DPH6: variants seen among roughly 807,000 people sequenced by gnomAD.
DPH6 encodes the protein diphthamine biosynthesis 6, also known as diphthine--ammonia ligase.
In DPH6, 33 loss-of-function variants were observed where a neutral mutation model predicts 38.2. The ratio of observed to expected loss-of-function variants is 0.86; its 90% CI spans 0.65 to 1.15. The LOEUF is 1.15. Among genes scored for constraint, DPH6 ranks in the 50% most tolerant of loss-of-function variants. DPH6 has a pLI of 0.00. For synonymous variants in DPH6, 108 were observed against 103.0 expected, an observed-to-expected ratio of 1.05 and a Z score of -0.30; for missense variants, 325 against 320.0, an observed-to-expected ratio of 1.02 and a Z score of -0.12.
At chr15:35,177,889 C>T in the DPH6 span, among the ~76,000 whole-genome samples, 1 of 151,938 alleles carries the variant, frequency 6.6e-6, no homozygotes, top group Non-Finnish European at 1.5e-5. Flanking sequence ...TTGTGGTGAG[C>T]TGAGATGATG....
At chr15:35,289,918 G>A (rs953010749) in intron 3 of DPH6, among the ~76,000 whole-genome samples, 1 of 152,106 alleles carries the variant, frequency 6.6e-6, no homozygotes, top group African/African-American at 2.4e-5. Flanking sequence ...TTTACTTTTG[G>A]GAGTTCTGGT....
chr15:35,147,343 T>C, the DPH6 span, among the ~76,000 whole-genome samples: 4 of 152,254 alleles, frequency 2.6e-5, no homozygotes, highest in South Asian at 2.1e-4. Flanking sequence ...TATCAGTATA[T>C]ATTTCATCAT....
chr15:35,190,505 G>A, the DPH6 span, among the ~76,000 whole-genome samples: 1 of 152,194 alleles, frequency 6.6e-6, no homozygotes, highest in African/African-American at 2.4e-5. Context: ...GCAGATTGCT[G>A]GTCCAGGTGG....
At position 35,275,729 on chromosome 15, in the gene DPH6, T is replaced by A. The variant is rs868808588; in HGVS notation, n.201-55147A>T. Among the ~76,000 whole-genome samples the A allele has an allele frequency of 3.3e-3, 464 of 142,138 alleles. 1 individual carries two copies. The highest frequency in any genetic ancestry group is 9.5e-3 in the South Asian group (41 of 4,334). 93.2% of individuals were successfully genotyped at this position (142,138 alleles called of 152,430 possible). A position where few individuals can be genotyped will look rare whatever the true frequency, so the allele number is the denominator to read the frequency against. The stretch of plus-strand genomic sequence containing the variant: ...ACCTTAAAGTAAAAAAAAAAAAAAA[T>A]AATAATATTAGTCTTCAATCTCATC... On this transcript the variant is annotated intron_variant and non_coding_transcript_variant, in intron 3 of 3. Transcript: ENST00000560386.
intron 3 of DPH6, among the ~76,000 whole-genome samples, chr15:35,276,593 ATT>A: frequency 6.6e-6 from 1 of 152,188 alleles, no homozygotes; most frequent in East Asian, 1.9e-4. Context: ...CTTGATCCAT[ATT>A]GTGTTGATTT....
intron 2 of DPH6, among the ~76,000 whole-genome samples, chr15:35,540,501 C>G (rs1298169468): frequency 2.6e-5 from 4 of 152,022 alleles, no homozygotes; most frequent in Non-Finnish European, 5.9e-5. Context: ...CAATAATTCC[C>G]AATGTCCTGC....
At chr15:35,542,747 TATGGTAACTTTTTGCTTTGTG>T (rs2055273590) in intron 1 of DPH6, among the ~76,000 whole-genome samples, 3 of 150,378 alleles carry the variant, frequency 2.0e-5, no homozygotes, top group Admixed American at 1.3e-4. Context: ...CTAAACAAAA[TATGGTAACTTTTTGCTTTGTG>T]ATAGCAAATA....
At chr15:35,497,577 A>G (rs976306644) in intron 3 of DPH6, among the ~76,000 whole-genome samples, 1 of 152,196 alleles carries the variant, frequency 6.6e-6, no homozygotes, top group African/African-American at 2.4e-5. Context: ...TTGATTCACG[A>G]CAAGTAAAAA....
chr15:35,297,938 A>G lies in DPH6; in HGVS notation n.200+75583T>C, dbSNP rs1187352849. Among the ~76,000 whole-genome samples the G allele has an allele frequency of 2.0e-5, 3 of 152,158 alleles. No homozygotes were observed. The East Asian group carries it at 5.8e-4, about 29-fold the overall frequency. ...CTTAATTTCTACCCTTCCATCACCAATCATCAGCAACCTCTGTTAATTCTA... is the reference window on the plus strand; with the variant it reads ...CTTAATTTCTACCCTTCCATCACCAGTCATCAGCAACCTCTGTTAATTCTA... On this transcript the variant is annotated intron_variant and non_coding_transcript_variant, in intron 3 of 3. Transcript: ENST00000560386.
At chr15:35,443,565 T>C (rs2053814779) in intron 5 of DPH6, among the ~76,000 whole-genome samples, 1 of 152,180 alleles carries the variant, frequency 6.6e-6, no homozygotes, top group African/African-American at 2.4e-5. Flanking sequence ...TTTCACACTT[T>C]GGAATGTAAA....
chr15:35,196,159 C>T, the DPH6 span, among the ~76,000 whole-genome samples: 6 of 152,012 alleles, frequency 3.9e-5, no homozygotes, highest in Non-Finnish European at 7.4e-5. Flanking sequence ...TGAAATTTAA[C>T]GTAAAATAGT....
chr15:35,441,048 T>G (rs2053780954), intron 5 of DPH6, among the ~76,000 whole-genome samples: 2 of 151,888 alleles, frequency 1.3e-5, no homozygotes, highest in Non-Finnish European at 2.9e-5. Flanking sequence ...AACAAACATA[T>G]ATATGAAAAA....
chr15:35,367,278 T>G (rs1054856709), downstream of DPH6, among the ~76,000 whole-genome samples: 1 of 151,882 alleles, frequency 6.6e-6, no homozygotes, highest in African/African-American at 2.4e-5. Context: ...TGAGGTTAAA[T>G]TCCTGTGAAC....
chr15:35,384,442 A>C (rs1006089622), intron 6 of DPH6, among the ~76,000 whole-genome samples: 3 of 152,176 alleles, frequency 2.0e-5, no homozygotes, highest in African/African-American at 7.2e-5. Flanking sequence ...TATAGAGAGA[A>C]CTTCAAGGCC....
intron 3 of DPH6, among the ~76,000 whole-genome samples, chr15:35,306,474 G>C (rs1329918856): frequency 6.6e-6 from 1 of 152,182 alleles, no homozygotes; most frequent in African/African-American, 2.4e-5. Flanking sequence ...GCAGGGCAGA[G>C]TCAGGCTCTG....
chr15:35,500,526 C>T (rs1375194356), intron 3 of DPH6, among the ~76,000 whole-genome samples: 1 of 152,124 alleles, frequency 6.6e-6, no homozygotes, highest in Non-Finnish European at 1.5e-5. Context: ...AATAATAACA[C>T]AACCTATTTT....
the DPH6 span, among the ~76,000 whole-genome samples, chr15:35,171,276 A>T: frequency 2.0e-5 from 3 of 152,246 alleles, no homozygotes; most frequent in East Asian, 5.8e-4. Flanking sequence ...AGGAATTACC[A>T]CCACCATCAG....
the DPH6 span, among the ~76,000 whole-genome samples, chr15:35,172,624 C>G: frequency 6.6e-6 from 1 of 152,170 alleles, no homozygotes; most frequent in African/African-American, 2.4e-5. Context: ...AGTCACAATT[C>G]AGGATAATTA....
At chr15:35,167,272 A>G in the DPH6 span, among the ~76,000 whole-genome samples, 2 of 152,048 alleles carry the variant, frequency 1.3e-5, no homozygotes, top group Admixed American at 6.6e-5. Context: ...TACAATTCCT[A>G]ACAATGAACA....
Sources: allele counts gnomAD v4.1 joint callset (sites outside exome capture counted in the v4.1 genomes callset), GRCh38; gene constraint gnomAD v4.1.1; transcripts MANE v1.5; gene names NCBI Gene and HGNC (gene_info 2026-07-23, HGNC 2026-07-21).